Variants in PTPRD observed in about 807,000 individuals in gnomAD.
PTPRD encodes protein tyrosine phosphatase receptor type D.
A neutral mutation model predicts 214.5 loss-of-function variants in PTPRD; 34 were observed. The ratio of observed to expected loss-of-function variants is 0.16; its 90% confidence interval spans 0.12 to 0.21. The LOEUF (loss-of-function observed/expected upper bound fraction) is 0.21, where lower values mean the gene tolerates loss of function less well. PTPRD is among the 10% of genes least tolerant of loss of function. The probability of loss-of-function intolerance (pLI) is 1.00; values close to 1 mark genes in which losing one functional copy is unlikely to be tolerated. For synonymous variants in PTPRD, 1,128 were observed against 845.7 expected (o/e 1.33, Z -5.79); for missense variants, 2,545 against 2,398.7 (o/e 1.06, Z -1.27).
At chr9:8,943,602 A>T (rs1231447217) in intron 11 of PTPRD, among the ~76,000 whole-genome samples, 1 of 151,012 alleles carries the variant, frequency 6.6e-6, no homozygotes, top group Non-Finnish European at 1.5e-5. Context: ...TTAACCAATT[A>T]TATTTAATAA....
At chr9:8,334,714 G>A (rs577913521) in intron 43 of PTPRD, among the ~76,000 whole-genome samples, 57 of 104,112 alleles carry the variant, frequency 5.5e-4, no homozygotes, top group African/African-American at 2.2e-3. Context: ...ATAGACACAC[G>A]AAAAACCCTT....
intron 14 of PTPRD, among the ~76,000 whole-genome samples, chr9:8,579,760 G>C (rs889428077): frequency 1.3e-4 from 20 of 152,176 alleles, no homozygotes; most frequent in Admixed American, 1.1e-3. Context: ...TGTAAACAGA[G>C]ACCAGGAAAT....
chr9:8,342,100 A>G (rs534843160), intron 39 of PTPRD, 122 bp from the exon 40 acceptor site: 2 of 1,044,018 alleles, frequency 1.9e-6, no homozygotes, highest in South Asian at 4.1e-5. Context: ...TCAAATAGCT[A>G]TTGGGATGAC....
At chr9:9,057,284 T>G (rs968278712) in intron 10 of PTPRD, among the ~76,000 whole-genome samples, 1 of 152,170 alleles carries the variant, frequency 6.6e-6, no homozygotes, top group African/African-American at 2.4e-5. Flanking sequence ...CTGTCAGTCT[T>G]GGCAATGATA....
chr9:9,742,915 C>T (rs919117890), intron 6 of PTPRD, among the ~76,000 whole-genome samples: 3 of 152,216 alleles, frequency 2.0e-5, no homozygotes, highest in Non-Finnish European at 4.4e-5. Context: ...CATAGAGAGA[C>T]CTAAAATCAA....
chr9:9,256,619 C>G (rs1343404785), intron 9 of PTPRD, among the ~76,000 whole-genome samples: 1 of 151,930 alleles, frequency 6.6e-6, no homozygotes, highest in African/African-American at 2.4e-5. Context: ...TCCAGGATTC[C>G]TGTGTCCTAG....
intron 3 of PTPRD, among the ~76,000 whole-genome samples, chr9:10,236,938 A>G (rs2099631001): frequency 6.6e-6 from 1 of 151,918 alleles, no homozygotes. Flanking sequence ...GGGGGGGCTG[A>G]AAAGATGAAT....
intron 5 of PTPRD, among the ~76,000 whole-genome samples, chr9:9,910,438 G>T (rs2078868239): frequency 6.6e-6 from 1 of 151,920 alleles, no homozygotes. Context: ...TTTTCTAGAA[G>T]AAAATATACT....
chr9:9,027,505 T>G (rs747626438), intron 10 of PTPRD, among the ~76,000 whole-genome samples: 2 of 151,980 alleles, frequency 1.3e-5, no homozygotes, highest in Non-Finnish European at 2.9e-5. Flanking sequence ...TCAATATTAT[T>G]AACAGGAAGA....
At chr9:9,025,080 T>C (rs930529986) in intron 10 of PTPRD, among the ~76,000 whole-genome samples, 6 of 152,090 alleles carry the variant, frequency 3.9e-5, no homozygotes, top group African/African-American at 1.4e-4. Flanking sequence ...ATTGTTTACA[T>C]AGATATATTT....
At chr9:9,338,966 G>T (rs755521365) in intron 9 of PTPRD, among the ~76,000 whole-genome samples, 1 of 151,994 alleles carries the variant, frequency 6.6e-6, no homozygotes, top group Non-Finnish European at 1.5e-5. Context: ...GAGAAAAATC[G>T]CAAGATTCCT....
At chr9:8,692,278 G>C (rs545708341) in intron 12 of PTPRD, among the ~76,000 whole-genome samples, 1 of 152,290 alleles carries the variant, frequency 6.6e-6, no homozygotes, top group East Asian at 1.9e-4. Flanking sequence ...TTTCATTCAT[G>C]TCACAATTTA....
intron 3 of PTPRD, among the ~76,000 whole-genome samples, chr9:10,147,896 T>TA (rs112567758): frequency 0.21 from 31,167 of 151,924 alleles, 3,400 homozygotes; most frequent in Admixed American, 0.29. Flanking sequence ...AATAAATACA[T>TA]AAAAACATAA....
intron 21 of PTPRD, among the ~76,000 whole-genome samples, chr9:8,508,822 T>C (rs950832437): frequency 1.3e-5 from 2 of 152,116 alleles, no homozygotes; most frequent in African/African-American, 4.8e-5. Flanking sequence ...GAATGATTTG[T>C]AGAATTCCTA....
At chr9:9,899,417 G>A (rs2075845727) in intron 5 of PTPRD, among the ~76,000 whole-genome samples, 1 of 151,930 alleles carries the variant, frequency 6.6e-6, no homozygotes, top group South Asian at 2.1e-4. Flanking sequence ...TTTCTGTAAG[G>A]AAGACATACA....
At chr9:10,289,567 C>T (rs930166917) in intron 3 of PTPRD, among the ~76,000 whole-genome samples, 1 of 152,026 alleles carries the variant, frequency 6.6e-6, no homozygotes, top group African/African-American at 2.4e-5. Context: ...CCTACCGCCC[C>T]GCCATTTGTG....
intron 5 of PTPRD, among the ~76,000 whole-genome samples, chr9:9,882,235 C>G (rs1354609691): frequency 6.6e-6 from 1 of 152,090 alleles, no homozygotes; most frequent in African/African-American, 2.4e-5. Flanking sequence ...TCATGTCTCT[C>G]ATTTTTTTGA....
chr9:9,923,007 T>C (rs1234013641), intron 5 of PTPRD, among the ~76,000 whole-genome samples: 2 of 151,972 alleles, frequency 1.3e-5, no homozygotes, highest in East Asian at 3.9e-4. Context: ...CTTACTACCA[T>C]ACTGTAGGTA....
chr9:9,875,614 TTG>T (rs1293323917), intron 5 of PTPRD, among the ~76,000 whole-genome samples: 4 of 152,112 alleles, frequency 2.6e-5, no homozygotes, highest in Non-Finnish European at 5.9e-5. Flanking sequence ...AATAGAATTA[TTG>T]TAGGTTAACA....
Sources: gnomAD v4.1 joint callset for allele counts (sites outside exome capture counted in the v4.1 genomes callset) on GRCh38, gnomAD v4.1.1 for gene constraint, MANE v1.5 for transcripts, NCBI Gene and HGNC (gene_info 2026-07-23, HGNC 2026-07-21) for gene names.